CSGALNACT1: variants seen among roughly 807,000 people sequenced by gnomAD.
The protein encoded by CSGALNACT1 is chondroitin sulfate N-acetylgalactosaminyltransferase 1, also known as beta4GalNAcT-1.
CSGALNACT1 carries 52 observed loss-of-function variants against 51.0 expected under a neutral mutation model. That is an observed-to-expected ratio of 1.02 (90% confidence interval 0.82 to 1.29). The LOEUF (loss-of-function observed/expected upper bound fraction) is 1.29, where lower values mean the gene tolerates loss of function less well. CSGALNACT1 is among the 50% of genes most tolerant of loss of function. CSGALNACT1 has a pLI of 0.00. For missense variants in CSGALNACT1, 935 were observed against 679.2 expected (o/e 1.38, Z -4.19); for synonymous variants, 341 against 254.4 (o/e 1.34, Z -3.24).
At chr8:19,489,085 C>T (rs565444735) in intron 4 of CSGALNACT1, among the ~76,000 whole-genome samples, 31 of 152,002 alleles carry the variant, frequency 2.0e-4, no homozygotes, top group Non-Finnish European at 3.8e-4. Flanking sequence ...GACCAGGGCA[C>T]CTAAGAAGGG....
At chr8:19,547,485 A>C (rs925558911) in intron 3 of CSGALNACT1, among the ~76,000 whole-genome samples, 1 of 152,090 alleles carries the variant, frequency 6.6e-6, no homozygotes, top group African/African-American at 2.4e-5. Context: ...AATAAGTCTC[A>C]CGAGATCTAG....
intron 1 of CSGALNACT1, among the ~76,000 whole-genome samples, chr8:19,671,473 A>G (rs1245258047): frequency 6.6e-6 from 1 of 152,156 alleles, no homozygotes; most frequent in African/African-American, 2.4e-5. Context: ...ACCCACCAAT[A>G]TCATAATCCA....
intron 3 of CSGALNACT1, among the ~76,000 whole-genome samples, chr8:19,574,943 G>A (rs1330062873): frequency 6.6e-6 from 1 of 152,016 alleles, no homozygotes; most frequent in Non-Finnish European, 1.5e-5. Context: ...GCTGAGGCAG[G>A]AGAATCTCTT....
At chr8:19,483,221 G>A (rs539394602) in intron 4 of CSGALNACT1, among the ~76,000 whole-genome samples, 1 of 152,268 alleles carries the variant, frequency 6.6e-6, no homozygotes, top group Non-Finnish European at 1.5e-5. Context: ...ATTCTCAACA[G>A]AGCAGACAAA....
chr8:19,564,450 A>C (rs1224579502), intron 3 of CSGALNACT1, among the ~76,000 whole-genome samples: 2 of 151,484 alleles, frequency 1.3e-5, no homozygotes, highest in African/African-American at 2.4e-5. Flanking sequence ...TGGGAAGCCC[A>C]GGTTGGGAAC....
chr8:19,463,710 G>C (rs2066055117), intron 4 of CSGALNACT1, among the ~76,000 whole-genome samples: 1 of 152,128 alleles, frequency 6.6e-6, no homozygotes, highest in Admixed American at 6.5e-5. Flanking sequence ...TTAGATCTTT[G>C]TTTAAACACC....
At chr8:19,441,736 A>T (rs2061361976) in intron 5 of CSGALNACT1, among the ~76,000 whole-genome samples, 1 of 151,856 alleles carries the variant, frequency 6.6e-6, no homozygotes, top group African/African-American at 2.4e-5. Flanking sequence ...AATTAAACTA[A>T]AGAGCTTCTG....
At chr8:19,707,211 C>T (rs1267208772) in intron 1 of CSGALNACT1, among the ~76,000 whole-genome samples, 1 of 152,088 alleles carries the variant, frequency 6.6e-6, no homozygotes, top group African/African-American at 2.4e-5. Context: ...AATACTGGTG[C>T]TAAAGCCAGG....
intron 3 of CSGALNACT1, among the ~76,000 whole-genome samples, chr8:19,546,232 A>G (rs951282509): frequency 4.6e-5 from 7 of 152,208 alleles, no homozygotes; most frequent in Non-Finnish European, 8.8e-5. Context: ...CAAGTATATA[A>G]ATACATAAAA....
intron 1 of CSGALNACT1, among the ~76,000 whole-genome samples, chr8:19,713,862 C>G (rs761565563): frequency 6.6e-6 from 1 of 152,092 alleles, no homozygotes; most frequent in Non-Finnish European, 1.5e-5. Flanking sequence ...CCAGGGCAGC[C>G]CCAGATGGAG....
chr8:19,432,610 AT>A (rs2059801163), intron 6 of CSGALNACT1, among the ~76,000 whole-genome samples: 1 of 151,136 alleles, frequency 6.6e-6, no homozygotes, highest in African/African-American at 2.4e-5. Flanking sequence ...CATTTTCTTC[AT>A]TCTTTTTTCT....
intron 4 of CSGALNACT1, among the ~76,000 whole-genome samples, chr8:19,500,288 T>C (rs1010864421): frequency 1.3e-5 from 2 of 152,136 alleles, no homozygotes; most frequent in African/African-American, 4.8e-5. Flanking sequence ...TGATGGCCTT[T>C]TGCTGTCCTG....
At chr8:19,623,688 G>C (rs2054104989) in intron 1 of CSGALNACT1, among the ~76,000 whole-genome samples, 2 of 152,154 alleles carry the variant, frequency 1.3e-5, no homozygotes, top group African/African-American at 4.8e-5. Context: ...AAGATGACTG[G>C]AAAATCCCCA....
intron 1 of CSGALNACT1, among the ~76,000 whole-genome samples, chr8:19,661,000 C>T (rs1273698186): frequency 6.6e-6 from 1 of 152,146 alleles, no homozygotes; most frequent in Admixed American, 6.5e-5. Flanking sequence ...GCAACCTCTG[C>T]CTCCTGGGTT....
intron 1 of CSGALNACT1, among the ~76,000 whole-genome samples, chr8:19,727,487 C>G (rs75905434): frequency 0.14 from 21,647 of 151,184 alleles, 1,672 homozygotes; most frequent in Middle Eastern, 0.17. Context: ...GCAGCTGAGA[C>G]TACAGGCGCG....
upstream of CSGALNACT1, among the ~76,000 whole-genome samples, chr8:19,685,840 G>C (rs983943975): frequency 2.0e-5 from 3 of 152,196 alleles, no homozygotes; most frequent in Non-Finnish European, 4.4e-5. Flanking sequence ...TAGTTTTGGA[G>C]TAAGGAGGCT....
intron 1 of CSGALNACT1, among the ~76,000 whole-genome samples, chr8:19,752,145 T>TG (rs10679445): frequency 2.7e-5 from 4 of 146,330 alleles, no homozygotes; most frequent in East Asian, 2.0e-4. Flanking sequence ...TTATATGATA[T>TG]TATATGACAT....
At chr8:19,748,027 C>T (rs953122445) in intron 1 of CSGALNACT1, among the ~76,000 whole-genome samples, 8 of 150,660 alleles carry the variant, frequency 5.3e-5, no homozygotes, top group Admixed American at 2.0e-4. Context: ...CTCCCTTGTT[C>T]ACCCATTATG....
chr8:19,406,088 C>A lies in CSGALNACT1; in HGVS notation c.1310-19G>T. ...AACCCACCTGTCGGGACAGAACACA[C>A]TGTTGAATCACACTGCACTGATCTG... On this transcript the variant is annotated intron_variant, in intron 9 of 9. Transcript: ENST00000454498. 4 of 1,613,954 alleles carry A rather than the reference C, an allele frequency of 2.5e-6. No individual in the cohort carries two copies. Among genetic ancestry groups the A allele is most frequent in the Non-Finnish European group, 3.4e-6 (4 of 1,180,002 alleles).
Sources: gnomAD v4.1 joint callset for allele counts (sites outside exome capture counted in the v4.1 genomes callset) on GRCh38, gnomAD v4.1.1 for gene constraint, MANE v1.5 for transcripts, NCBI Gene and HGNC (gene_info 2026-07-23, HGNC 2026-07-21) for gene names.